Variants in DLG2 observed in about 807,000 individuals in gnomAD.
The protein encoded by DLG2 is discs large MAGUK scaffold protein 2, also known as disks large homolog 2.
In DLG2, 45 loss-of-function variants were observed where a neutral mutation model predicts 132.5. That is an observed-to-expected ratio of 0.34 (90% CI 0.27 to 0.44). The LOEUF (loss-of-function observed/expected upper bound fraction) is 0.44. DLG2 is among the 20% of genes least tolerant of loss of function. The pLI, the probability that DLG2 is intolerant of heterozygous loss-of-function variation, is 1.00. For missense variants in DLG2, 1,045 were observed against 1,196.9 expected (o/e 0.87, Z 1.87); for synonymous variants, 424 against 419.6 (o/e 1.01, Z -0.13).
intron 6 of DLG2, among the ~76,000 whole-genome samples, chr11:84,556,246 C>T (rs1463476614): frequency 6.6e-6 from 1 of 152,142 alleles, no homozygotes; most frequent in Non-Finnish European, 1.5e-5. Context: ...CCATATCCAG[C>T]TTTGAGATTG....
intron 19 of DLG2, among the ~76,000 whole-genome samples, chr11:83,584,157 C>T (rs1463103719): frequency 1.3e-5 from 2 of 152,256 alleles, no homozygotes; most frequent in South Asian, 2.1e-4. Flanking sequence ...GACTTTTGTA[C>T]TGAGTCACTT....
intron 3 of DLG2, among the ~76,000 whole-genome samples, chr11:85,544,602 T>C (rs773384449): frequency 6.6e-6 from 1 of 152,222 alleles, no homozygotes; most frequent in African/African-American, 2.4e-5. Flanking sequence ...ATTTTCACAA[T>C]ATTGATTCTT....
chr11:83,741,534 T>G (rs190938769), intron 18 of DLG2, among the ~76,000 whole-genome samples: 1 of 152,062 alleles, frequency 6.6e-6, no homozygotes, highest in African/African-American at 2.4e-5. Context: ...AGTAATATCA[T>G]GAACACAATC....
chr11:83,965,526 T>C, intron 12 of DLG2, 58 bp from the exon 13 acceptor site: 3 of 1,396,738 alleles, frequency 2.1e-6, no homozygotes, highest in Non-Finnish European at 2.0e-6. Context: ...AAGAAAAATA[T>C]TCAGGCAAGA....
At chr11:83,771,460 C>T (rs551496173) in intron 18 of DLG2, among the ~76,000 whole-genome samples, 4 of 152,282 alleles carry the variant, frequency 2.6e-5, no homozygotes, top group Non-Finnish European at 4.4e-5. Context: ...GTCACGGGAA[C>T]ATCTCAGAGT....
At chr11:85,293,748 G>A (rs1302019554) in intron 3 of DLG2, among the ~76,000 whole-genome samples, 1 of 152,130 alleles carries the variant, frequency 6.6e-6, no homozygotes, top group East Asian at 1.9e-4. Flanking sequence ...ACATTATGGA[G>A]ACAACTGCTG....
At chr11:85,240,009 C>A (rs2075797915) in intron 4 of DLG2, among the ~76,000 whole-genome samples, 1 of 151,798 alleles carries the variant, frequency 6.6e-6, no homozygotes, top group Non-Finnish European at 1.5e-5. Context: ...ACTCATAGTT[C>A]CATCAACAAT....
At chr11:84,444,726 T>C (rs1423400254) in intron 7 of DLG2, among the ~76,000 whole-genome samples, 1 of 152,174 alleles carries the variant, frequency 6.6e-6, no homozygotes, top group African/African-American at 2.4e-5. Context: ...ATCTAACTTT[T>C]CAAGTTAATT....
chr11:83,822,999 A>G (rs2153983880), intron 17 of DLG2, among the ~76,000 whole-genome samples: 1 of 152,256 alleles, frequency 6.6e-6, no homozygotes, highest in Non-Finnish European at 1.5e-5. Context: ...AAACAGCAGC[A>G]TGATCACTTT....
chr11:84,025,192 A>C (rs992767417), intron 11 of DLG2, among the ~76,000 whole-genome samples: 1 of 152,106 alleles, frequency 6.6e-6, no homozygotes, highest in African/African-American at 2.4e-5. Context: ...AAAATGGTTT[A>C]ATGGACTCAG....
intron 6 of DLG2, among the ~76,000 whole-genome samples, chr11:84,825,889 A>C (rs548018313): frequency 6.6e-6 from 1 of 151,700 alleles, no homozygotes; most frequent in Admixed American, 6.6e-5. Flanking sequence ...ACCCTTTCTC[A>C]TACAGGATCT....
At chr11:85,383,559 G>T (rs1187679648) in intron 3 of DLG2, among the ~76,000 whole-genome samples, 3 of 152,044 alleles carry the variant, frequency 2.0e-5, no homozygotes, top group Non-Finnish European at 4.4e-5. Context: ...CATCAAAACG[G>T]CTCCTTACTA....
chr11:83,760,617 A>G (rs2093861738), intron 18 of DLG2, among the ~76,000 whole-genome samples: 1 of 152,040 alleles, frequency 6.6e-6, no homozygotes, highest in South Asian at 2.1e-4. Context: ...CGGCCTCCCA[A>G]AGGGCTGGGA....
chr11:84,142,039 C>T (rs903395494), intron 9 of DLG2, among the ~76,000 whole-genome samples: 5 of 152,128 alleles, frequency 3.3e-5, no homozygotes, highest in South Asian at 4.1e-4. Context: ...CATGATGGCT[C>T]ACCCCTGTAA....
intron 7 of DLG2, among the ~76,000 whole-genome samples, chr11:84,414,206 G>A (rs1350540653): frequency 6.6e-6 from 1 of 152,098 alleles, no homozygotes; most frequent in Non-Finnish European, 1.5e-5. Context: ...GATTAAATAA[G>A]TGAGCATATC....
intron 7 of DLG2, among the ~76,000 whole-genome samples, chr11:84,354,664 C>A (rs1388713225): frequency 6.6e-6 from 1 of 152,108 alleles, no homozygotes; most frequent in Admixed American, 6.5e-5. Flanking sequence ...ATCTGTCAAA[C>A]CCTAGATCTA....
intron 6 of DLG2, among the ~76,000 whole-genome samples, chr11:84,973,550 A>G (rs1338890364): frequency 1.3e-5 from 2 of 152,232 alleles, no homozygotes; most frequent in Admixed American, 6.5e-5. Context: ...ACAATTTAAA[A>G]TTAAAGTGCA....
chr11:84,769,517 G>A (rs2068937610), intron 6 of DLG2, among the ~76,000 whole-genome samples: 1 of 152,070 alleles, frequency 6.6e-6, no homozygotes, highest in Non-Finnish European at 1.5e-5. Flanking sequence ...TGGTATTGCT[G>A]AGAAAGAGAA....
chr11:84,429,251 A>AT (rs1426019785), intron 7 of DLG2, among the ~76,000 whole-genome samples: 1 of 152,212 alleles, frequency 6.6e-6, no homozygotes, highest in African/African-American at 2.4e-5. Context: ...ACAAAGACAA[A>AT]TGAGTACAAA....
Sources: gnomAD v4.1 joint callset for allele counts (sites outside exome capture counted in the v4.1 genomes callset) on GRCh38, gnomAD v4.1.1 for gene constraint, MANE v1.5 for transcripts, NCBI Gene and HGNC (gene_info 2026-07-23, HGNC 2026-07-21) for gene names.